The following STPG2 variants were observed in gnomAD, a reference collection of about 807,000 sequenced individuals.
The protein encoded by STPG2 is sperm tail PG-rich repeat containing 2.
A neutral mutation model predicts 54.2 loss-of-function variants in STPG2; 56 were observed. The observed-to-expected ratio is 1.03, with a 90% confidence interval of 0.83 to 1.29. STPG2 has a LOEUF of 1.29. STPG2 is among the 50% of genes most tolerant of loss of function. The pLI, the probability that STPG2 is intolerant of heterozygous loss-of-function variation, is 0.00. For synonymous variants in STPG2, 200 were observed against 181.8 expected (o/e 1.10, Z -0.81); for missense variants, 596 against 544.9 (o/e 1.09, Z -0.93).
chr4:97,948,776 T>C (rs1317602665), intron 7 of STPG2, among the ~76,000 whole-genome samples: 2 of 152,144 alleles, frequency 1.3e-5, no homozygotes, highest in African/African-American at 2.4e-5. Context: ...TCTGAGAAGA[T>C]ACTTGCTACA....
chr4:97,860,190 G>C (rs1488297240), intron 8 of STPG2, among the ~76,000 whole-genome samples: 1 of 151,992 alleles, frequency 6.6e-6, no homozygotes, highest in African/African-American at 2.4e-5. Context: ...CTTTTTCTTA[G>C]CCTTGTTTTG....
chr4:97,677,116 A>G (rs1443669831), intron 10 of STPG2, among the ~76,000 whole-genome samples: 3 of 152,228 alleles, frequency 2.0e-5, no homozygotes, highest in Admixed American at 6.5e-5. Flanking sequence ...TTTACTTAGT[A>G]TAAATATTGT....
intron 7 of STPG2, among the ~76,000 whole-genome samples, chr4:97,949,910 T>A (rs761004603): frequency 6.6e-5 from 10 of 152,152 alleles, no homozygotes; most frequent in Non-Finnish European, 1.5e-4. Flanking sequence ...TTGCAATGAA[T>A]CTCACATGAG....
intron 4 of STPG2, among the ~76,000 whole-genome samples, chr4:97,548,210 G>T (rs1388848907): frequency 6.6e-6 from 1 of 152,084 alleles, no homozygotes; most frequent in Non-Finnish European, 1.5e-5. Context: ...TCGTGAAAAT[G>T]AAAAGAGTAG....
chr4:97,981,776 G>A (rs1293940747), intron 5 of STPG2, among the ~76,000 whole-genome samples: 1 of 149,598 alleles, frequency 6.7e-6, no homozygotes, highest in Non-Finnish European at 1.5e-5. Flanking sequence ...CTTAGATTCA[G>A]TGGTTTATCA....
At chr4:97,559,604 T>G (rs942442386) in intron 10 of STPG2, among the ~76,000 whole-genome samples, 2 of 152,220 alleles carry the variant, frequency 1.3e-5, no homozygotes, top group African/African-American at 4.8e-5. Context: ...TCCAGGCTTT[T>G]TTGACTACTC....
At chr4:97,805,036 T>C (rs1296381590) in intron 9 of STPG2, among the ~76,000 whole-genome samples, 1 of 152,176 alleles carries the variant, frequency 6.6e-6, no homozygotes, top group East Asian at 1.9e-4. Flanking sequence ...TCTCAGAGCA[T>C]ATTTCCATCA....
intron 10 of STPG2, among the ~76,000 whole-genome samples, chr4:97,671,407 A>AT (rs576243635): frequency 7.9e-5 from 12 of 152,180 alleles, no homozygotes; most frequent in Non-Finnish European, 1.5e-4. Context: ...TACCAATAAC[A>AT]TTTTTTAAAT....
At chr4:97,774,949 C>T (rs909632626) in intron 9 of STPG2, among the ~76,000 whole-genome samples, 10 of 152,114 alleles carry the variant, frequency 6.6e-5, no homozygotes, top group African/African-American at 1.7e-4. Flanking sequence ...CCCATATGAC[C>T]GGCTCAGTGA....
chr4:97,636,396 T>C (rs1182096659), intron 10 of STPG2, among the ~76,000 whole-genome samples: 1 of 137,128 alleles, frequency 7.3e-6, no homozygotes, highest in Non-Finnish European at 1.6e-5. Flanking sequence ...GCAGGAAAGA[T>C]CCAAAATTGA....
intron 4 of STPG2, among the ~76,000 whole-genome samples, chr4:97,515,087 T>C (rs1308209976): frequency 1.3e-5 from 2 of 152,128 alleles, no homozygotes; most frequent in Admixed American, 6.6e-5. Flanking sequence ...ACTAATAAGT[T>C]CTATAAAGAT....
At chr4:98,093,772 T>C (rs1202335538) in intron 5 of STPG2, among the ~76,000 whole-genome samples, 1 of 152,190 alleles carries the variant, frequency 6.6e-6, no homozygotes, top group Non-Finnish European at 1.5e-5. Context: ...TGGGGGACTT[T>C]ACATTGAACT....
intron 10 of STPG2, among the ~76,000 whole-genome samples, chr4:97,697,741 C>T (rs1196912236): frequency 2.0e-5 from 3 of 152,058 alleles, no homozygotes; most frequent in Non-Finnish European, 4.4e-5. Flanking sequence ...GTTAGTTTAC[C>T]GAAATGAGGG....
intron 5 of STPG2, among the ~76,000 whole-genome samples, chr4:98,099,101 C>T (rs1738946794): frequency 6.6e-6 from 1 of 152,008 alleles, no homozygotes; most frequent in South Asian, 2.1e-4. Flanking sequence ...AACCAGCAAC[C>T]CCACTGCTAG....
chr4:97,737,060 C>T (rs185019259), intron 9 of STPG2, among the ~76,000 whole-genome samples: 15 of 152,276 alleles, frequency 9.9e-5, no homozygotes, highest in Middle Eastern at 3.4e-3. Context: ...CACAAAAATA[C>T]GCTGTTCTGC....
chr4:97,788,693 C>T (rs997194889), intron 9 of STPG2, among the ~76,000 whole-genome samples: 3 of 152,112 alleles, frequency 2.0e-5, no homozygotes, highest in African/African-American at 7.2e-5. Flanking sequence ...TTCCCACCAA[C>T]AGTGTACAAG....
intron 9 of STPG2, among the ~76,000 whole-genome samples, chr4:97,781,036 G>A (rs566111552): frequency 1.9e-3 from 295 of 152,104 alleles, no homozygotes; most frequent in African/African-American, 7.0e-3. Flanking sequence ...AGAAGCAAGA[G>A]CAAACACATT....
chr4:97,710,181 T>C (rs1214016957), intron 10 of STPG2, among the ~76,000 whole-genome samples: 1 of 152,002 alleles, frequency 6.6e-6, no homozygotes, highest in Non-Finnish European at 1.5e-5. Context: ...AAAAGGTCAA[T>C]GATAGTAATC....
chr4:97,681,968 A>T (rs1391104393), intron 10 of STPG2, among the ~76,000 whole-genome samples: 2 of 151,796 alleles, frequency 1.3e-5, no homozygotes, highest in East Asian at 3.8e-4. Context: ...TATATCAATT[A>T]CAATTGTTCT....
Sources: gnomAD v4.1 joint callset for allele counts (sites outside exome capture counted in the v4.1 genomes callset) on GRCh38, gnomAD v4.1.1 for gene constraint, MANE v1.5 for transcripts, NCBI Gene and HGNC (gene_info 2026-07-23, HGNC 2026-07-21) for gene names.